The following CPEB3 variants were observed in gnomAD, a reference collection of about 807,000 sequenced individuals.
The protein encoded by CPEB3 is cytoplasmic polyadenylation element binding protein 3.
Under a neutral mutation model 67.2 loss-of-function variants are expected in CPEB3, and 20 were observed. The observed-to-expected ratio is 0.30, with a 90% CI of 0.21 to 0.43. The LOEUF is 0.43. CPEB3 is among the 20% of genes least tolerant of loss of function. The pLI, the probability that CPEB3 is intolerant of heterozygous loss-of-function variation, is 1.00. For synonymous variants in CPEB3, 376 were observed against 393.1 expected (o/e 0.96, Z 0.51); for missense variants, 746 against 968.6 (o/e 0.77, Z 3.05).
intron 1 of CPEB3, among the ~76,000 whole-genome samples, chr10:92,285,924 T>C (rs1419138526): frequency 1.3e-5 from 2 of 151,130 alleles, no homozygotes; most frequent in Non-Finnish European, 1.5e-5. Context: ...TTCATTATTA[T>C]ACTCTGTTTT....
chr10:92,290,130 T>C (rs1202761340), intron 1 of CPEB3, among the ~76,000 whole-genome samples: 1 of 152,102 alleles, frequency 6.6e-6, no homozygotes, highest in Non-Finnish European at 1.5e-5. Flanking sequence ...CACATTTTCA[T>C]TTTTTAAAAA....
chr10:92,113,712 C>T (rs556446884), intron 6 of CPEB3, among the ~76,000 whole-genome samples: 2 of 152,288 alleles, frequency 1.3e-5, no homozygotes, highest in East Asian at 1.9e-4. Context: ...AACATCAAAT[C>T]CAGTTTTGCA....
At chr10:92,224,850 T>TA (rs1310108864) in intron 2 of CPEB3, among the ~76,000 whole-genome samples, 3 of 148,174 alleles carry the variant, frequency 2.0e-5, no homozygotes, top group East Asian at 3.9e-4. Flanking sequence ...CCTGACTTCT[T>TA]AAAAAAAACT....
intron 4 of CPEB3, among the ~76,000 whole-genome samples, chr10:92,174,831 T>G (rs1292115099): frequency 6.6e-6 from 1 of 152,166 alleles, no homozygotes; most frequent in Non-Finnish European, 1.5e-5. Flanking sequence ...TTAAACAATA[T>G]TGAATCTCTG....
chr10:92,179,794 T>C (rs1848384399), intron 4 of CPEB3, among the ~76,000 whole-genome samples: 1 of 152,200 alleles, frequency 6.6e-6, no homozygotes, highest in Admixed American at 6.5e-5. Context: ...TACTCATTGG[T>C]TGCATGTCAG....
intron 6 of CPEB3, among the ~76,000 whole-genome samples, chr10:92,128,928 G>A (rs1268681001): frequency 1.3e-5 from 2 of 152,246 alleles, no homozygotes; most frequent in Non-Finnish European, 2.9e-5. Context: ...GTGGAAAACA[G>A]TGTGGCAATT....
At chr10:92,111,516 C>T (rs1844739306) in intron 6 of CPEB3, among the ~76,000 whole-genome samples, 1 of 152,182 alleles carries the variant, frequency 6.6e-6, no homozygotes, top group African/African-American at 2.4e-5. Flanking sequence ...AAACAAGCAC[C>T]ACCTGCTTTC....
At chr10:92,212,210 C>CTTTT (rs998565592) in intron 2 of CPEB3, among the ~76,000 whole-genome samples, 2 of 119,998 alleles carry the variant, frequency 1.7e-5, no homozygotes, top group African/African-American at 3.0e-5. Flanking sequence ...ACAATAAATT[C>CTTTT]TTTTTTTTTT....
intron 2 of CPEB3, among the ~76,000 whole-genome samples, chr10:92,211,802 C>T (rs1195014262): frequency 6.6e-6 from 1 of 151,794 alleles, no homozygotes; most frequent in Non-Finnish European, 1.5e-5. Flanking sequence ...CTCAGCCTCC[C>T]AAAGTGCTAG....
chr10:92,227,725 G>T (rs948518783), intron 2 of CPEB3, among the ~76,000 whole-genome samples: 6 of 151,522 alleles, frequency 4.0e-5, no homozygotes, highest in Non-Finnish European at 8.8e-5. Flanking sequence ...CCGAGTAGCT[G>T]GGACTACAGG....
chr10:92,114,692 G>C (rs1190955008), intron 6 of CPEB3, among the ~76,000 whole-genome samples: 2 of 152,336 alleles, frequency 1.3e-5, no homozygotes, highest in Non-Finnish European at 2.9e-5. Context: ...AAATTACACA[G>C]AGTGATTAAG....
At chr10:92,231,225 T>C (rs1438254755) in intron 2 of CPEB3, among the ~76,000 whole-genome samples, 1 of 152,178 alleles carries the variant, frequency 6.6e-6, no homozygotes. Flanking sequence ...GTCACCCTAA[T>C]ATACAAAGTG....
chr10:92,171,629 T>TC (rs1286228393), intron 4 of CPEB3, among the ~76,000 whole-genome samples: 2 of 152,120 alleles, frequency 1.3e-5, no homozygotes, highest in African/African-American at 4.8e-5. Context: ...TCCTTTTTTT[T>TC]CCCCAGAGAG....
intron 6 of CPEB3, among the ~76,000 whole-genome samples, chr10:92,127,465 C>T (rs1278693527): frequency 6.6e-6 from 1 of 152,052 alleles, no homozygotes. Context: ...CACCTGAGGT[C>T]AAGAGTTCAC....
intron 1 of CPEB3, among the ~76,000 whole-genome samples, chr10:92,287,934 T>C (rs1312160579): frequency 6.6e-6 from 1 of 152,186 alleles, no homozygotes; most frequent in Admixed American, 6.6e-5. Flanking sequence ...TCCGTCTCTA[T>C]GGAGTTGCCT....
At chr10:92,120,471 C>G (rs1210516846) in intron 6 of CPEB3, among the ~76,000 whole-genome samples, 1 of 151,926 alleles carries the variant, frequency 6.6e-6, no homozygotes, top group Non-Finnish European at 1.5e-5. Context: ...ATAGTCCCAG[C>G]TACTTGGGAG....
chr10:92,189,748 C>T (rs796179574), intron 3 of CPEB3, among the ~76,000 whole-genome samples: 14 of 119,998 alleles, frequency 1.2e-4, no homozygotes, highest in African/African-American at 3.9e-4. Context: ...CTCGCTCTGT[C>T]GCCAGGCTGC....
At chr10:92,095,157 A>G (rs932144920) in intron 7 of CPEB3, among the ~76,000 whole-genome samples, 5 of 151,692 alleles carry the variant, frequency 3.3e-5, no homozygotes, top group Admixed American at 6.6e-5. Context: ...TTTTCTGCCC[A>G]CTCCCCAACC....
intron 9 of CPEB3, among the ~76,000 whole-genome samples, chr10:92,057,331 G>T (rs1212007621): frequency 6.6e-6 from 1 of 152,238 alleles, no homozygotes; most frequent in Non-Finnish European, 1.5e-5. Flanking sequence ...CATGGCTTGG[G>T]GTGGCGGTGG....
Sources: gnomAD v4.1 joint callset for allele counts (sites outside exome capture counted in the v4.1 genomes callset) on GRCh38, gnomAD v4.1.1 for gene constraint, MANE v1.5 for transcripts, NCBI Gene and HGNC (gene_info 2026-07-23, HGNC 2026-07-21) for gene names.